Variants in NSUN6 observed in about 807,000 individuals in gnomAD.
NSUN6 encodes the protein tRNA (cytosine(72)-C(5))-methyltransferase NSUN6.
NSUN6 carries 64 observed loss-of-function variants against 58.0 expected under a neutral mutation model. The observed-to-expected ratio is 1.10, with a 90% CI of 0.90 to 1.36. NSUN6 has a LOEUF of 1.36. Among genes scored for constraint, NSUN6 ranks in the 40% most tolerant of loss-of-function variants. NSUN6 has a pLI of 0.00. For synonymous variants in NSUN6, 231 were observed against 193.9 expected (o/e 1.19, Z -1.59); for missense variants, 701 against 550.1 (o/e 1.27, Z -2.74).
chr10:18,604,159 G>T (rs1250905255), intron 6 of NSUN6, among the ~76,000 whole-genome samples: 1 of 152,148 alleles, frequency 6.6e-6, no homozygotes, highest in Non-Finnish European at 1.5e-5. Context: ...TCCAGCCTGG[G>T]CGACAGAGTG....
chr10:18,590,346 A>G (rs2057332627), intron 7 of NSUN6, among the ~76,000 whole-genome samples: 2 of 152,228 alleles, frequency 1.3e-5, no homozygotes, highest in South Asian at 2.1e-4. Flanking sequence ...TAGTAGATCA[A>G]TGAGACAGAA....
chr10:18,583,349 C>A (rs1183016751), intron 8 of NSUN6, among the ~76,000 whole-genome samples: 2 of 152,266 alleles, frequency 1.3e-5, no homozygotes, highest in East Asian at 3.9e-4. Context: ...CCCACCTGCA[C>A]CCAGGTGAAT....
intron 6 of NSUN6, among the ~76,000 whole-genome samples, chr10:18,600,961 C>CACATATATATATATATATATATACACAT (rs1440184919): frequency 6.3e-5 from 3 of 47,814 alleles, no homozygotes; most frequent in African/African-American, 2.3e-4. Flanking sequence ...TATATATATA[C>CACATATATATATATATATATATACACAT]ATATATATAT....
chr10:18,648,453 T>C (rs768710273), intron 2 of NSUN6, 37 bp downstream of exon 2: 2 of 1,421,668 alleles, frequency 1.4e-6, no homozygotes, highest in South Asian at 1.2e-5. Flanking sequence ...ATTGCAAAAA[T>C]GTAATTATGT....
chr10:18,600,927 CA>C (rs1242151513), intron 6 of NSUN6, among the ~76,000 whole-genome samples: 444 of 43,704 alleles, frequency 0.01, 14 homozygotes, highest in African/African-American at 0.012. Flanking sequence ...GACTCCATCT[CA>C]AAAAAAAAAA....
intron 10 of NSUN6, among the ~76,000 whole-genome samples, chr10:18,546,402 G>A (rs1398094994): frequency 1.3e-5 from 2 of 152,088 alleles, no homozygotes; most frequent in African/African-American, 4.8e-5. Flanking sequence ...ATTATCAAAG[G>A]CCTGAGCTTC....
intron 8 of NSUN6, among the ~76,000 whole-genome samples, chr10:18,583,012 G>A (rs1258022327): frequency 6.6e-6 from 1 of 152,144 alleles, no homozygotes; most frequent in Non-Finnish European, 1.5e-5. Context: ...TACACATCCA[G>A]ATAGCCTGCA....
rs1321545069 is a variant in NSUN6 at position 18,606,658 on chromosome 10, T to A, written c.657+3187A>T. ...AAACTGGGTGAAGGGTATATAGAAA[T>A]GACTGTCTTTGCAAATCTATAATTC... On this transcript the variant is annotated intron_variant, in intron 6 of 10. Transcript: ENST00000377304. 2.6e-5 allele frequency among the ~76,000 whole-genome samples: 4 copies of A among 152,182 alleles called. No individual in the cohort carries two copies. In the East Asian group the frequency reaches 7.7e-4, roughly 29 times the overall value.
At chr10:18,591,148 A>T (rs1048156739) in intron 7 of NSUN6, among the ~76,000 whole-genome samples, 1 of 152,222 alleles carries the variant, frequency 6.6e-6, no homozygotes, top group Non-Finnish European at 1.5e-5. Context: ...AGAAATGGAT[A>T]AATTCCTGGA....
chr10:18,589,950 G>C (rs891699442), intron 7 of NSUN6, among the ~76,000 whole-genome samples: 9 of 152,122 alleles, frequency 5.9e-5, no homozygotes, highest in Non-Finnish European at 1.0e-4. Context: ...CCAATTAAAA[G>C]ATACAGACTA....
chr10:18,585,550 C>A (rs2057092422), intron 8 of NSUN6, among the ~76,000 whole-genome samples: 1 of 152,056 alleles, frequency 6.6e-6, no homozygotes, highest in Non-Finnish European at 1.5e-5. Flanking sequence ...TGAAATAAGC[C>A]AGGCAGTGAA....
At chr10:18,570,587 CTCCATTCCATTCCACTG>C (rs1323663488) in intron 8 of NSUN6, among the ~76,000 whole-genome samples, 8 of 150,010 alleles carry the variant, frequency 5.3e-5, no homozygotes, top group South Asian at 2.1e-4. Flanking sequence ...CCATTCCATT[CTCCATTCCATTCCACTG>C]TCCATTCCAT....
At chr10:18,655,226 A>G (rs767142930), upstream of NSUN6, 2 of 813,044 alleles carry the variant, frequency 2.5e-6, no homozygotes, top group African/African-American at 1.9e-5. Context: ...TGGTATTAAC[A>G]TATGACTGAA....
At chr10:18,558,100 G>T (rs1391117845) in intron 8 of NSUN6, among the ~76,000 whole-genome samples, 3 of 150,372 alleles carry the variant, frequency 2.0e-5, no homozygotes, top group African/African-American at 7.3e-5. Context: ...ATGGAGAATG[G>T]AATAGAGTGG....
chr10:18,649,526 G>A (rs1163502981), intron 1 of NSUN6, among the ~76,000 whole-genome samples: 1 of 151,882 alleles, frequency 6.6e-6, no homozygotes, highest in Non-Finnish European at 1.5e-5. Context: ...TACTCGGGAG[G>A]CTGAGGTGAG....
chr10:18,648,484 A>C lies in NSUN6; in HGVS notation c.231+6T>G. ...TATGTACAAATGACAGAAAATTTCC[A>C]CAAACCTTCTGAAGTTCATCAAGTA... is the stretch of plus-strand genomic sequence containing the variant. On this transcript the variant is annotated splice_donor_region_variant and intron_variant, in intron 2 of 10. Transcript: ENST00000377304. 7 of 1,581,846 alleles carry C rather than the reference A, an allele frequency of 4.4e-6. No individual in the cohort carries two copies. Among genetic ancestry groups the C allele is most frequent in the Non-Finnish European group, 6.0e-6 (7 of 1,158,272 alleles).
intron 3 of NSUN6, among the ~76,000 whole-genome samples, chr10:18,631,931 G>T (rs1439655934): frequency 3.3e-5 from 5 of 152,142 alleles, no homozygotes; most frequent in Non-Finnish European, 5.9e-5. Flanking sequence ...AACCAAAAGA[G>T]AGCCCACATC....
chr10:18,547,978 A>T, intron 10 of NSUN6, 134 bp downstream of exon 10: 1 of 844,052 alleles, frequency 1.2e-6, no homozygotes, highest in Non-Finnish European at 1.8e-6. Flanking sequence ...GGATTTAATT[A>T]GATAAGCATT....
intron 3 of NSUN6, among the ~76,000 whole-genome samples, chr10:18,618,631 G>A (rs1052634604): frequency 1.2e-4 from 17 of 147,480 alleles, no homozygotes; most frequent in East Asian, 2.0e-4. Context: ...GCAGTGAGCC[G>A]AGATGGTGCC....
Sources: allele counts gnomAD v4.1 joint callset (sites outside exome capture counted in the v4.1 genomes callset), GRCh38; gene constraint gnomAD v4.1.1; transcripts MANE v1.5; gene names NCBI Gene and HGNC (gene_info 2026-07-23, HGNC 2026-07-21).